Variants in S100Z observed in about 807,000 individuals in gnomAD.
S100Z encodes protein S100-Z.
Under a neutral mutation model 8.5 loss-of-function variants are expected in S100Z, and 11 were observed. That is an observed-to-expected ratio of 1.30 (90% CI 0.82 to 2.15). The LOEUF is 2.15. S100Z is among the 30% of genes most tolerant of loss of function. The pLI, the probability that S100Z is intolerant of heterozygous loss-of-function variation, is 0.00. For missense variants in S100Z, 126 were observed against 117.9 expected (o/e 1.07, Z -0.32); for synonymous variants, 34 against 43.8 (o/e 0.78, Z 0.89).
chr5:76,893,321 CTG>C (rs775508623), intron 4 of S100Z, among the ~76,000 whole-genome samples: 2 of 152,046 alleles, frequency 1.3e-5, no homozygotes, highest in Non-Finnish European at 2.9e-5. Context: ...AAGGGAAGGT[CTG>C]TGATGGGGTA....
intron 4 of S100Z, among the ~76,000 whole-genome samples, chr5:76,889,032 G>A (rs1434787627): frequency 3.3e-5 from 5 of 152,164 alleles, no homozygotes; most frequent in East Asian, 1.9e-4. Flanking sequence ...GAGGGCCAGC[G>A]TTTTTGGGGC....
intron 2 of S100Z, among the ~76,000 whole-genome samples, chr5:76,874,693 TTTTA>T (rs1010528912): frequency 1.2e-4 from 18 of 152,126 alleles, no homozygotes; most frequent in Non-Finnish European, 2.1e-4. Flanking sequence ...TCCTTCCTAT[TTTTA>T]TTTATTTTTA....
At chr5:76,948,158 T>TA in the S100Z span, among the ~76,000 whole-genome samples, 2 of 137,534 alleles carry the variant, frequency 1.5e-5, no homozygotes, top group African/African-American at 6.2e-5. Flanking sequence ...ACACCCCGTC[T>TA]CTACTAAAAA....
At chr5:76,855,830 T>C (rs1281668041) in intron 1 of S100Z, among the ~76,000 whole-genome samples, 1 of 152,150 alleles carries the variant, frequency 6.6e-6, no homozygotes, top group Admixed American at 6.6e-5. Context: ...CAGAATGATA[T>C]GGTTTGGATC....
chr5:76,922,978 G>A (rs972285242), downstream of S100Z, among the ~76,000 whole-genome samples: 5 of 150,632 alleles, frequency 3.3e-5, no homozygotes, highest in Admixed American at 3.3e-4. Context: ...AGAAGACAAA[G>A]GGGAAGTTTT....
intron 4 of S100Z, among the ~76,000 whole-genome samples, chr5:76,917,567 C>T (rs922870842): frequency 6.6e-6 from 1 of 152,154 alleles, no homozygotes; most frequent in Non-Finnish European, 1.5e-5. Context: ...GTGGTTCACA[C>T]CTCTAATCCC....
intron 4 of S100Z, among the ~76,000 whole-genome samples, chr5:76,919,526 T>C (rs1300763452): frequency 1.2e-3 from 147 of 126,018 alleles, no homozygotes; most frequent in Non-Finnish European, 1.7e-3. Flanking sequence ...TCTTCTCCCT[T>C]CCTCCCTCCC....
chr5:76,928,561 T>C, the S100Z span, among the ~76,000 whole-genome samples: 6 of 152,156 alleles, frequency 3.9e-5, no homozygotes, highest in Non-Finnish European at 8.8e-5. Flanking sequence ...TAGCAAAATA[T>C]CAAAGCCACA....
chr5:76,918,694 A>AG (rs1744935272), intron 4 of S100Z, among the ~76,000 whole-genome samples: 1 of 152,202 alleles, frequency 6.6e-6, no homozygotes, highest in Non-Finnish European at 1.5e-5. Context: ...TTGACACATC[A>AG]TTATTACCCA....
chr5:76,860,809 A>T lies in S100Z; in HGVS notation c.-175-9357A>T, dbSNP rs1751032682. On this transcript the variant is annotated intron_variant, in intron 1 of 4. Coordinates refer to ENST00000317593, the MANE Select transcript of S100Z (RefSeq NM_130772.4). Reference sequence around the variant, plus strand: ...GATTGTAATAAAAGGTGCTATACAAAATAGGAAACAGCGCCTTCTCCTGTA... The same window carrying T: ...GATTGTAATAAAAGGTGCTATACAATATAGGAAACAGCGCCTTCTCCTGTA... 2.0e-5 allele frequency among the ~76,000 whole-genome samples: 3 copies of T among 152,226 alleles called. No individual in the cohort carries two copies. The South Asian group carries it at 6.2e-4, about 31-fold the overall frequency.
chr5:76,914,759 A>G (rs1744797685), intron 4 of S100Z, among the ~76,000 whole-genome samples: 1 of 152,064 alleles, frequency 6.6e-6, no homozygotes, highest in African/African-American at 2.4e-5. Flanking sequence ...GAGACCACAA[A>G]CCCACTGGAA....
chr5:76,940,223 C>A, the S100Z span, among the ~76,000 whole-genome samples: 111,544 of 150,038 alleles, frequency 0.74, 41,999 homozygotes, highest in East Asian at 0.93. Flanking sequence ...AGAAAAAAAG[C>A]AACTGTCAAA....
intron 4 of S100Z, among the ~76,000 whole-genome samples, chr5:76,895,570 G>A (rs573662939): frequency 1.4e-4 from 21 of 151,822 alleles, no homozygotes; most frequent in African/African-American, 4.3e-4. Context: ...TTTTTTGTGG[G>A]TATATAGTAG....
intron 4 of S100Z, among the ~76,000 whole-genome samples, chr5:76,896,061 C>A (rs957220352): frequency 3.3e-5 from 5 of 152,090 alleles, no homozygotes; most frequent in African/African-American, 1.2e-4. Flanking sequence ...CAGACCCAAC[C>A]ATTATACAGT....
chr5:76,934,587 T>C, the S100Z span, among the ~76,000 whole-genome samples: 3 of 152,190 alleles, frequency 2.0e-5, no homozygotes, highest in African/African-American at 7.2e-5. Flanking sequence ...CCCTCATAAA[T>C]GGGATTAGCA....
the S100Z span, among the ~76,000 whole-genome samples, chr5:76,931,214 C>T: frequency 6.6e-6 from 1 of 151,906 alleles, no homozygotes; most frequent in Non-Finnish European, 1.5e-5. Flanking sequence ...TCAGGTGACC[C>T]TTCCGCCTCA....
At position 76,855,933 on chromosome 5, in the gene S100Z, C is replaced by T. The variant is rs764001344; in HGVS notation, c.-176+5778C>T. ...GATTGGATCATGGGGGTGGAGTTCT[C>T]ATGAATGGGTTAACATCATCCCCAA... On this transcript the variant is annotated intron_variant, in intron 1 of 4. Transcript: ENST00000317593. 5.9e-5 allele frequency among the ~76,000 whole-genome samples: 9 copies of T among 152,136 alleles called. No individual in the cohort carries two copies. The South Asian group carries it at 1.5e-3, about 25-fold the overall frequency.
chr5:76,882,320 G>C (rs1452307353), intron 4 of S100Z, among the ~76,000 whole-genome samples: 1 of 152,146 alleles, frequency 6.6e-6, no homozygotes, highest in Non-Finnish European at 1.5e-5. Flanking sequence ...AAGGCTACAG[G>C]GCGCAGTCCC....
intron 4 of S100Z, among the ~76,000 whole-genome samples, chr5:76,911,603 C>A (rs1389304881): frequency 6.6e-6 from 1 of 152,212 alleles, no homozygotes; most frequent in Non-Finnish European, 1.5e-5. Context: ...TTTCTCAAGT[C>A]CAGGCACTCT....
Sources: gnomAD v4.1 joint callset for allele counts (sites outside exome capture counted in the v4.1 genomes callset) on GRCh38, gnomAD v4.1.1 for gene constraint, MANE v1.5 for transcripts, NCBI Gene and HGNC (gene_info 2026-07-23, HGNC 2026-07-21) for gene names.